SEMA3F: variants seen among roughly 807,000 people sequenced by gnomAD.
SEMA3F encodes the protein semaphorin 3F.
A neutral mutation model predicts 98.5 loss-of-function variants in SEMA3F; 30 were observed. That is an observed-to-expected ratio of 0.30 (90% CI 0.23 to 0.41). SEMA3F has a LOEUF of 0.41. Among genes scored for constraint, SEMA3F ranks in the 10% least tolerant of loss-of-function variants. The pLI, the probability that SEMA3F is intolerant of heterozygous loss-of-function variation, is 1.00. For synonymous variants in SEMA3F, 380 were observed against 444.8 expected, an observed-to-expected ratio of 0.85 and a Z score of 1.83; for missense variants, 866 against 1,119.3, an observed-to-expected ratio of 0.77 and a Z score of 3.23.
chr3:50,176,533 C>A (rs1024563950), intron 6 of SEMA3F, among the ~76,000 whole-genome samples: 1 of 152,138 alleles, frequency 6.6e-6, no homozygotes, highest in Non-Finnish European at 1.5e-5. Context: ...AGACTTGGTC[C>A]CCAGGTCTTC....
At position 50,158,473 on chromosome 3, in the gene SEMA3F, G is replaced by GC. The variant is rs1039681032; in HGVS notation, c.-48-1100dup. Among the ~76,000 whole-genome samples the GC allele has an allele frequency of 1.3e-5, 2 of 152,220 alleles. No individual in the cohort carries two copies. Among genetic ancestry groups the GC allele is most frequent in the Non-Finnish European group, 2.9e-5 (2 of 68,032 alleles). ...AGTGGGGCCTAAGAGTCAGACTGGA[G>GC]CCTGGGCTTTGCCTCAGCATTGAGC... On this transcript the variant is annotated intron_variant, in intron 1 of 18. Transcript: ENST00000002829. The surrounding 1 kb of genome is among the most constrained non-coding windows in gnomAD (Gnocchi z 4.8).
At chr3:50,159,190 A>G (rs2072054) in intron 1 of SEMA3F, 10,059 of 165,192 alleles carry the variant, frequency 0.061, 1,654 homozygotes, top group East Asian at 0.61. Context: ...CCATTCCTCC[A>G]GGTGGGAGGG....
chr3:50,183,132 G>GC (rs1699078521), intron 10 of SEMA3F, 54 bp from the exon 11 acceptor site: 2 of 1,583,972 alleles, frequency 1.3e-6, no homozygotes, highest in South Asian at 2.2e-5. Context: ...AGTGGGTGGG[G>GC]CCCAGGGGCT....
intron 2 of SEMA3F, among the ~76,000 whole-genome samples, chr3:50,162,390 G>C (rs1698239816): frequency 2.0e-5 from 3 of 152,232 alleles, no homozygotes; most frequent in African/African-American, 4.8e-5. Flanking sequence ...CTGGGCTTCA[G>C]CAGCACAGCC....
chr3:50,158,793 T>A lies in SEMA3F; in HGVS notation c.-48-782T>A, dbSNP rs531608468. Among the ~76,000 whole-genome samples the A allele has an allele frequency of 5.9e-5, 9 of 152,280 alleles. No homozygotes were observed. The East Asian group carries it at 1.7e-3, about 29-fold the overall frequency. ...GGGAGACAATATTTGAAAAACACAG[T>A]ATTGAAACTTGGACCTGCTGGGGCT... On this transcript the variant is annotated intron_variant, in intron 1 of 18. Transcript: ENST00000002829. The surrounding 1 kb of genome is among the most constrained non-coding windows in gnomAD (Gnocchi z 4.8).
intron 5 of SEMA3F, 111 bp downstream of exon 5, chr3:50,174,461 C>T: frequency 7.4e-7 from 1 of 1,351,050 alleles, no homozygotes; most frequent in Non-Finnish European, 1.0e-6. Context: ...AGCCTTTTGA[C>T]CTTGGGTGAG....
chr3:50,186,003 TG>T lies in SEMA3F; in HGVS notation c.1705del (p.Asp569MetfsTer144). 1 of 1,613,986 alleles carries T rather than the reference TG, an allele frequency of 6.2e-7. No homozygotes were observed. Among genetic ancestry groups the T allele is most frequent in the Non-Finnish European group, 8.5e-7 (1 of 1,179,928 alleles). On this transcript the variant is annotated frameshift_variant, in exon 16 of 19. Transcript: ENST00000002829. LOFTEE classifies it high-confidence loss of function. ...CCTTGCCCGGGACCCTTACTGTGCC[TG>T]GGATGGCCAGGCCTGCTCCCGCTAT... ...CCLARDPYCAWDGQACSRYTA... is the reference protein window; with the variant it reads ...CCLARDPYCAXDGQACSRYTA...
intron 5 of SEMA3F, 139 bp from the exon 6 acceptor site, chr3:50,174,957 C>T (rs1156530681): frequency 3.0e-6 from 2 of 658,352 alleles, no homozygotes; most frequent in South Asian, 1.7e-5. Flanking sequence ...TATGTATGTA[C>T]ACACGCATAG....
At chr3:50,184,458 T>C in intron 12 of SEMA3F, 134 bp from the exon 13 acceptor site, 1 of 686,806 alleles carries the variant, frequency 1.5e-6, no homozygotes, top group Non-Finnish European at 2.5e-6. Flanking sequence ...GGGCAGAAAC[T>C]TGGAGAGCGG....
chr3:50,183,015 C>T lies in SEMA3F; in HGVS notation c.1015C>T (p.Leu339Phe), dbSNP rs1205621326. The T allele has an allele frequency of 6.2e-7, 1 of 1,612,802 alleles. No individual in the cohort carries two copies. Among genetic ancestry groups the T allele is most frequent in the Non-Finnish European group, 8.5e-7 (1 of 1,179,086 alleles). The change falls in exon 10 of 19, where the codon CTC (leucine) becomes TTC (phenylalanine). Residue 339 changes from leucine to phenylalanine, a missense_variant. Around this residue, in one of 3 missense-constraint regions of SEMA3F, gnomAD observed 374 missense variants for 582.8 expected, o/e 0.64. Transcript: ENST00000002829. Reference sequence around the variant, plus strand: ...TGGCATTGAGACTCACTTTGATGAGCTCCGTGAGTGCCCAGCAGGCAGGCA... The same window carrying T: ...TGGCATTGAGACTCACTTTGATGAGTTCCGTGAGTGCCCAGCAGGCAGGCA... ...EDGIETHFDE[L>F]QDVFVQQTQD...
chr3:50,163,720 G>A (rs1284295660), intron 2 of SEMA3F, among the ~76,000 whole-genome samples: 1 of 152,228 alleles, frequency 6.6e-6, no homozygotes, highest in African/African-American at 2.4e-5. Context: ...TGGGGCTTTG[G>A]TGGGGGAGGA....
chr3:50,170,377 G>C (rs1698557549), intron 2 of SEMA3F, among the ~76,000 whole-genome samples: 1 of 152,090 alleles, frequency 6.6e-6, no homozygotes, highest in South Asian at 2.1e-4. Flanking sequence ...AGCCCTCTCT[G>C]CTCCCCAATC....
rs1698390649 is a variant in SEMA3F at position 50,166,030 on chromosome 3, C to T, written c.112+6296C>T. Among the ~76,000 whole-genome samples the T allele has an allele frequency of 6.6e-6, 1 of 152,188 alleles. No homozygotes were observed. Among genetic ancestry groups the T allele is most frequent in the South Asian group, 2.1e-4 (1 of 4,832 alleles). On this transcript the variant is annotated intron_variant, in intron 2 of 18. Coordinates refer to ENST00000002829, the MANE Select transcript of SEMA3F (RefSeq NM_004186.5). The surrounding 1 kb of genome is among the most constrained non-coding windows in gnomAD (Gnocchi z 4.7). ...TGCATCTCTGCAGGGCAAAGACAGACCCAAAGCAACCGGCCCCTCCAGGGA... is the reference window on the plus strand; with the variant it reads ...TGCATCTCTGCAGGGCAAAGACAGATCCAAAGCAACCGGCCCCTCCAGGGA...
At position 50,182,219 on chromosome 3, in the gene SEMA3F, A is replaced by T; in HGVS notation, c.644-65A>T. The T allele has an allele frequency of 6.2e-7, 1 of 1,611,516 alleles. No individual in the cohort carries two copies. Among genetic ancestry groups the T allele is most frequent in the Non-Finnish European group, 8.5e-7 (1 of 1,178,184 alleles). On this transcript the variant is annotated intron_variant, in intron 7 of 18. Coordinates refer to ENST00000002829, the MANE Select transcript of SEMA3F (RefSeq NM_004186.5). This position sits in a 1 kb window ranked among gnomAD's most constrained non-coding sequence, Gnocchi z 4.5. ...GAGATAAGGCCCTGCCCTGGAAGTC[A>T]TCTGAGCTGTGCCCTGGCCCTAGCA... is the stretch of plus-strand genomic sequence containing the variant.
intron 2 of SEMA3F, among the ~76,000 whole-genome samples, chr3:50,167,179 G>A (rs967184389): frequency 4.6e-5 from 7 of 152,278 alleles, no homozygotes; most frequent in Middle Eastern, 3.4e-3. Context: ...GCCCAAATGT[G>A]TTCTCACAGG....
Position 50,174,281 on chromosome 3 carries a change from C to A in SEMA3F, c.387C>A (p.His129Gln). 1.2e-6 allele frequency: 2 copies of A among 1,613,620 alleles called. No individual in the cohort carries two copies. Among genetic ancestry groups the A allele is most frequent in the Non-Finnish European group, 1.7e-6 (2 of 1,179,972 alleles). ...TCATCCAGCCCTGGAACCGAACACA[C>A]CTGTATGTGTGCGGGACAGGTGCCT... ...VRLIQPWNRTHLYVCGTGAYN... is the reference protein window; with the variant it reads ...VRLIQPWNRTQLYVCGTGAYN... The change falls in exon 5 of 19, where the codon CAC (histidine) becomes CAA (glutamine). Residue 129 changes from histidine to glutamine, a missense_variant. Physicochemically the swap from His to Gln is conservative, Grantham distance 24 (BLOSUM62 0). Coordinates refer to ENST00000002829, the MANE Select transcript of SEMA3F (RefSeq NM_004186.5).
At chr3:50,163,709 A>G (rs1024250157) in intron 2 of SEMA3F, among the ~76,000 whole-genome samples, 2 of 151,998 alleles carry the variant, frequency 1.3e-5, no homozygotes, top group Non-Finnish European at 2.9e-5. Flanking sequence ...AGAGCAAGGC[A>G]TGGGGCTTTG....
chr3:50,182,736 G>T lies in SEMA3F; in HGVS notation c.856G>T (p.Ala286Ser). The T allele has an allele frequency of 1.2e-6, 2 of 1,613,366 alleles. No homozygotes were observed. Among genetic ancestry groups the T allele is most frequent in the Non-Finnish European group, 1.7e-6 (2 of 1,180,036 alleles). The change falls in exon 9 of 19, where the codon GCG becomes TCG. Residue 286 changes from alanine to serine, a missense_variant. Coordinates refer to ENST00000002829, the MANE Select transcript of SEMA3F (RefSeq NM_004186.5). The surrounding 1 kb of genome is among the most constrained non-coding windows in gnomAD (Gnocchi z 4.5). ...CTTCTTCCGTGAGCGGTCGGCAGAGGCGCCGCAGAGCCCCGCGGTGTACGC... is the reference window on the plus strand; with the variant it reads ...CTTCTTCCGTGAGCGGTCGGCAGAGTCGCCGCAGAGCCCCGCGGTGTACGC... Reference protein sequence around the residue: ...YFFFRERSAEAPQSPAVYARI... With the variant: ...YFFFRERSAESPQSPAVYARI...
chr3:50,186,281 G>A lies in SEMA3F; in HGVS notation c.1746G>A (p.Arg582=). 1 of 1,613,560 alleles carries A rather than the reference G, an allele frequency of 6.2e-7. No homozygotes were observed. Among genetic ancestry groups the A allele is most frequent in the Non-Finnish European group, 8.5e-7 (1 of 1,179,944 alleles). The change falls in exon 17 of 19, where the codon AGG becomes AGA. Residue 582 remains arginine, a splice_region_variant and synonymous_variant. Coordinates refer to ENST00000002829, the MANE Select transcript of SEMA3F (RefSeq NM_004186.5). ...ACSRYTASSK[R]RSRRQDVRHG... is the part of the protein sequence containing the mutation. ...TCCTTCAGGGGCTATCCTCATCCAG[G>A]CGGAGCCGCCGGCAGGACGTCCGGC...
Sources: gnomAD v4.1 joint callset for allele counts (sites outside exome capture counted in the v4.1 genomes callset) on GRCh38, gnomAD v4.1.1 for gene constraint, gnomAD v4.1.1 regional missense constraint, Gnocchi (gnomAD v3.1) non-coding constraint, MANE v1.5 for transcripts, NCBI Gene and HGNC (gene_info 2026-07-23, HGNC 2026-07-21) for gene names.